The following BRWD1 variants were observed in gnomAD, a reference collection of about 807,000 sequenced individuals.
BRWD1 encodes the protein bromodomain and WD repeat-containing protein 1.
A neutral mutation model predicts 251.2 loss-of-function variants in BRWD1; 82 were observed. That is an observed-to-expected ratio of 0.33 (90% CI 0.27 to 0.39). BRWD1 has a LOEUF of 0.39. Ranked by LOEUF, BRWD1 falls within the 10% of genes least tolerant of loss-of-function variation. The probability of loss-of-function intolerance (pLI) is 1.00; values close to 1 mark genes in which losing one functional copy is unlikely to be tolerated. For missense variants in BRWD1, 2,233 were observed against 2,711.6 expected, an observed-to-expected ratio of 0.82 and a Z score of 3.92; for synonymous variants, 918 against 902.8, an observed-to-expected ratio of 1.02 and a Z score of -0.30.
rs879237750 is a variant in BRWD1 at position 39,264,815 on chromosome 21, T to C, written c.1659+76A>G. ...ACTCAGCTAAACTGTTTCCAAAACA[T>C]AGCTCATAACTACTTATTTCCAAAA... On this transcript the variant is annotated intron_variant, in intron 16 of 40. Transcript: ENST00000342449. The C allele has an allele frequency of 7.1e-6, 11 of 1,558,578 alleles. No individual in the cohort carries two copies. The South Asian group carries it at 8.2e-5, about 12-fold the overall frequency.
chr21:39,218,075 ATC>A (rs1271535141), intron 31 of BRWD1, 75 bp downstream of exon 31: 2 of 1,409,204 alleles, frequency 1.4e-6, no homozygotes, highest in African/African-American at 1.4e-5. Context: ...TTCTACCACT[ATC>A]TCTTTCTTTG....
At position 39,278,825 on chromosome 21, in the gene BRWD1, G is replaced by T. The variant is rs1409246283; in HGVS notation, c.933-12C>A. On this transcript the variant is annotated splice_polypyrimidine_tract_variant and intron_variant, in intron 9 of 40. Transcript: ENST00000342449. ...TCAGGGGACGTGGGCTTTAAAAGAAGAAGATGCTGCTTTAAAATAGATTAT... is the reference window on the plus strand; with the variant it reads ...TCAGGGGACGTGGGCTTTAAAAGAATAAGATGCTGCTTTAAAATAGATTAT... 1 of 1,569,142 alleles carries T rather than the reference G, an allele frequency of 6.4e-7. No homozygotes were observed. Among genetic ancestry groups the T allele is most frequent in the South Asian group, 1.2e-5 (1 of 82,648 alleles).
intron 4 of BRWD1, among the ~76,000 whole-genome samples, chr21:39,310,803 C>A (rs1220064830): frequency 6.6e-6 from 1 of 152,130 alleles, no homozygotes. Flanking sequence ...GAACTCCTGG[C>A]CTCAAGCGTC....
upstream of BRWD1, among the ~76,000 whole-genome samples, chr21:39,318,731 C>A (rs1035984817): frequency 2.0e-5 from 3 of 152,110 alleles, no homozygotes; most frequent in African/African-American, 7.2e-5. Flanking sequence ...TGCAGCCTCG[C>A]AGTCCTACCG....
At chr21:39,262,430 T>C (rs1339272864) in intron 17 of BRWD1, among the ~76,000 whole-genome samples, 2 of 152,160 alleles carry the variant, frequency 1.3e-5, no homozygotes, top group Non-Finnish European at 2.9e-5. Flanking sequence ...AAGATTACAC[T>C]TTGTGGCCAA....
chr21:39,218,174 T>C lies in BRWD1; in HGVS notation c.3637A>G (p.Arg1213Gly). The C allele has an allele frequency of 6.2e-7, 1 of 1,608,058 alleles. No homozygotes were observed. The highest frequency in any genetic ancestry group is 8.5e-7 in the Non-Finnish European group (1 of 1,178,564). ...YPTDLYTIRM[R>G]LVNRFYRRLS... ...AACCTGTAAAATCGATTAACAAGTC[T>C]CATTCGAATTGTGTAAAGATCGGTT... The change falls in exon 31 of 41, where the codon AGA (arginine) becomes GGA (glycine). Residue 1213 changes from arginine to glycine, a missense_variant. Arg to Gly is a moderately radical substitution (Grantham distance 125, BLOSUM62 -2). Transcript: ENST00000342449.
rs1404996000 is a variant in BRWD1 at position 39,249,913 on chromosome 21, GGGGTGTGTGTGT to G, written c.2349+871_2349+882del. Among the ~76,000 whole-genome samples the G allele has an allele frequency of 3.9e-3, 511 of 132,546 alleles. 5 individuals are homozygous for G. The highest frequency in any genetic ancestry group is 9.9e-3 in the South Asian group (42 of 4,244). 87.0% of individuals were successfully genotyped at this position (132,546 alleles called of 152,430 possible). A position where few individuals can be genotyped will look rare whatever the true frequency, so the allele number is the denominator to read the frequency against. ...CAGAACCAAGATCAAAAAAAGAAGG[GGGGTGTGTGTGT>G]GTGTGTGTGTGTGTGTGTGTGTGTG... is the stretch of plus-strand genomic sequence containing the variant. On this transcript the variant is annotated intron_variant, in intron 20 of 40. Coordinates refer to ENST00000342449, the MANE Select transcript of BRWD1 (RefSeq NM_033656.4).
chr21:39,318,913 G>A (rs1299353231), intron 1 of BRWD1, among the ~76,000 whole-genome samples: 1 of 152,168 alleles, frequency 6.6e-6, no homozygotes, highest in African/African-American at 2.4e-5. Context: ...CTAGGAAGAG[G>A]AGAGTTAACA....
intron 4 of BRWD1, among the ~76,000 whole-genome samples, chr21:39,306,145 C>G (rs1472506072): frequency 6.6e-6 from 1 of 151,134 alleles, no homozygotes; most frequent in East Asian, 2.0e-4. Context: ...TCTTGGCTCA[C>G]TGCAACCTCT....
At chr21:39,304,243 A>G (rs1237554688) in intron 4 of BRWD1, among the ~76,000 whole-genome samples, 1 of 151,616 alleles carries the variant, frequency 6.6e-6, no homozygotes, top group African/African-American at 2.4e-5. Context: ...TCAAAAAAAA[A>G]AAGTGAGAGA....
intron 13 of BRWD1, among the ~76,000 whole-genome samples, chr21:39,271,023 G>C (rs533969030): frequency 6.6e-6 from 1 of 152,212 alleles, no homozygotes; most frequent in African/African-American, 2.4e-5. Flanking sequence ...GGCCAGACAC[G>C]GTGGCTCACG....
At chr21:39,290,332 A>G (rs1568958515) in intron 8 of BRWD1, among the ~76,000 whole-genome samples, 1 of 151,828 alleles carries the variant, frequency 6.6e-6, no homozygotes, top group Non-Finnish European at 1.5e-5. Flanking sequence ...TACTAAAAAT[A>G]CAAAAAATTA....
At chr21:39,319,806 C>A (rs114486726) in intron 1 of BRWD1, among the ~76,000 whole-genome samples, 210 of 152,276 alleles carry the variant, frequency 1.4e-3, no homozygotes, top group African/African-American at 5.0e-3. Flanking sequence ...CAAGCATCCT[C>A]CTTAAAGTTC....
chr21:39,196,583 A>G lies in BRWD1; in HGVS notation c.6486T>C (p.Ser2162=). The G allele has an allele frequency of 6.2e-7, 1 of 1,613,544 alleles. No individual in the cohort carries two copies. Among genetic ancestry groups the G allele is most frequent in the Non-Finnish European group, 8.5e-7 (1 of 1,179,804 alleles). The change falls in exon 41 of 41, where the codon TCT becomes TCC. Residue 2162 remains serine (S), a synonymous_variant. Transcript: ENST00000342449. ...DTSSKSSDLG[S]VTESDIDCTD... ...TACAGTCAATATCTGATTCAGTTAC[A>G]GATCCCAAATCTGATGATTTGGAAC...
At chr21:39,217,016 TATATATATATATATATATAA>T (rs1568877356) in intron 31 of BRWD1, 24 of 22,084 alleles carry the variant, frequency 1.1e-3, no homozygotes, top group African/African-American at 3.4e-3. Flanking sequence ...CACAAATATA[TATATATATATATATATATAA>T]ATATATATAT....
At position 39,199,596 on chromosome 21, in the gene BRWD1, G is replaced by C; in HGVS notation, c.4820C>G (p.Ser1607Cys). ...ATRKRVYLSDSDNNSLETGEI... is the reference protein window; with the variant it reads ...ATRKRVYLSDCDNNSLETGEI... The stretch of plus-strand genomic sequence containing the variant: ...ACCAGTCTCCAATGAATTGTTATCA[G>C]AATCACTTAAATAGACTCTCTTTCG... Residue 1607 changes from serine (S) to cysteine (C), a missense_variant, in exon 40 of 41, where the codon TCT becomes TGT. This residue lies in a region of BRWD1 where 928 missense variants were observed against 970.0 expected (regional missense o/e 0.96). Coordinates refer to ENST00000342449, the MANE Select transcript of BRWD1 (RefSeq NM_033656.4). 6.2e-7 allele frequency: 1 copy of C among 1,614,060 alleles called. No homozygotes were observed. Among genetic ancestry groups the C allele is most frequent in the Non-Finnish European group, 8.5e-7 (1 of 1,179,994 alleles).
At chr21:39,315,263 C>G (rs1284372210), upstream of BRWD1, among the ~76,000 whole-genome samples, 2 of 151,958 alleles carry the variant, frequency 1.3e-5, no homozygotes, top group Non-Finnish European at 2.9e-5. Flanking sequence ...CTTGGCCTCC[C>G]GAAGTGCTGG....
chr21:39,221,914 AAG>A (rs1423243056), intron 29 of BRWD1, among the ~76,000 whole-genome samples: 1 of 152,190 alleles, frequency 6.6e-6, no homozygotes, highest in Non-Finnish European at 1.5e-5. Flanking sequence ...AAAAAAAAGA[AAG>A]AAAGAAAAAA....
rs766199222 is a variant in BRWD1, at chr21:39,272,163, G to A, written c.1245-1730C>T. On this transcript the variant is annotated intron_variant, in intron 13 of 40. Transcript: ENST00000342449. ...AAGAAGTAAAATGGAGGCCGGGCGCGGTGGCTCACGCCTGTAATCCCAGAT... is the reference window on the plus strand; with the variant it reads ...AAGAAGTAAAATGGAGGCCGGGCGCAGTGGCTCACGCCTGTAATCCCAGAT... Among the ~76,000 whole-genome samples, 78 of 151,740 alleles carry A rather than the reference G, an allele frequency of 5.1e-4. 1 individual carries two copies. Among genetic ancestry groups the A allele is most frequent in the Middle Eastern group, 6.8e-3 (2 of 294 alleles).
Sources: gnomAD v4.1 joint callset for allele counts (sites outside exome capture counted in the v4.1 genomes callset) on GRCh38, gnomAD v4.1.1 for gene constraint, gnomAD v4.1.1 regional missense constraint, MANE v1.5 for transcripts, NCBI Gene and HGNC (gene_info 2026-07-23, HGNC 2026-07-21) for gene names.